TPBGL: variants seen among roughly 807,000 people sequenced by gnomAD.
TPBGL encodes the protein trophoblast glycoprotein like.
For missense variants in TPBGL, 685 were observed against 609.4 expected (o/e 1.12, Z -1.31); for synonymous variants, 380 against 314.8 (o/e 1.21, Z -2.19).
chr11:75,241,568 G>A lies in TPBGL; in HGVS notation c.519G>A (p.Glu173=). ...ACGCTGCGCTGGCACCGCTGGCCGA[G>A]CTTCGCCTGCTGGGCCTAGCGGGCA... ...ALDAALAPLA[E]LRLLGLAGNA... Residue 173 remains glutamate (E), a synonymous_variant, in exon 1 of 1, where the codon GAG becomes GAA. Transcript: ENST00000562197. 3.1e-6 allele frequency: 4 copies of A among 1,304,110 alleles called. No individual in the cohort carries two copies. Among genetic ancestry groups the A allele is most frequent in the Non-Finnish European group, 2.0e-6 (2 of 1,019,078 alleles). 80.8% of individuals were successfully genotyped at this position (1,304,110 alleles called of 1,614,324 possible). A position where few individuals can be genotyped will look rare whatever the true frequency, so the allele number is the denominator to read the frequency against.
rs958166501 is a variant in TPBGL at position 75,241,691 on chromosome 11, G to A, written c.642G>A (p.Glu214=). The A allele has an allele frequency of 2.4e-6, 3 of 1,270,392 alleles. No homozygotes were observed. The highest frequency in any genetic ancestry group is 4.0e-5 in the South Asian group (2 of 49,548). The allele number at this position is 1,270,392 out of a possible 1,614,324, so 78.7% of individuals were successfully genotyped here. The change falls in exon 1 of 1, where the codon GAG becomes GAA. Residue 214 remains glutamate (E), a synonymous_variant. Coordinates refer to ENST00000562197, the MANE Select transcript of TPBGL (RefSeq NM_001195528.2). The part of the protein sequence containing the change: ...LNALAGLDPD[E]LRALERDGGL... ...CGCTGGCCGGCCTGGACCCCGACGA[G>A]CTGCGCGCGCTGGAGCGCGATGGCG...
In TPBGL at chr11:75,241,673, C is replaced by T; in HGVS notation, c.624C>T (p.Ala208=). The T allele has an allele frequency of 7.7e-7, 1 of 1,291,990 alleles. No homozygotes were observed. The highest frequency in any genetic ancestry group is 9.8e-7 in the Non-Finnish European group (1 of 1,016,574). 80.0% of individuals were successfully genotyped at this position (1,291,990 alleles called of 1,614,324 possible). A position where few individuals can be genotyped will look rare whatever the true frequency, so the allele number is the denominator to read the frequency against. ...EQLDVRLNAL[A]GLDPDELRAL... ...TGGACGTGCGCCTCAACGCGCTGGC[C>T]GGCCTGGACCCCGACGAGCTGCGCG... The change falls in exon 1 of 1, where the codon GCC becomes GCT. Residue 208 remains alanine, a synonymous_variant. Transcript: ENST00000562197.
At position 75,241,477 on chromosome 11, in the gene TPBGL, C is replaced by G; in HGVS notation, c.428C>G (p.Ala143Gly). 5 of 1,251,726 alleles carry G rather than the reference C, an allele frequency of 4.0e-6. No homozygotes were observed. The South Asian group carries it at 7.6e-5, about 19-fold the overall frequency. 77.5% of individuals were successfully genotyped at this position (1,251,726 alleles called of 1,614,324 possible). A position where few individuals can be genotyped will look rare whatever the true frequency, so the allele number is the denominator to read the frequency against. Residue 143 changes from alanine to glycine, a missense_variant, in exon 1 of 1, where the codon GCG becomes GGG. Ala to Gly is a moderately conservative substitution (Grantham distance 60). Transcript: ENST00000562197. ...LGGGAFRGLPALRSLQLNHAL... is the reference protein window; with the variant it reads ...LGGGAFRGLPGLRSLQLNHAL... Reference sequence around the variant, plus strand: ...GGCGGCGCCTTCCGCGGGCTGCCCGCGCTGCGCTCGCTGCAGCTCAACCAC... The same window carrying G: ...GGCGGCGCCTTCCGCGGGCTGCCCGGGCTGCGCTCGCTGCAGCTCAACCAC...
rs72998594 is a variant in TPBGL at position 75,242,911 on chromosome 11, C to G, written c.*713C>G. On this transcript the variant is annotated 3_prime_UTR_variant, in exon 1 of 1. Coordinates refer to ENST00000562197, the MANE Select transcript of TPBGL (RefSeq NM_001195528.2). ...GTGTGGAGCCAACTCTCAGCCTTTC[C>G]CACCAGGGCGCTGACCTCCCGATAC... 0.074 allele frequency: 11,323 copies of G among 152,450 alleles called. 819 individuals are homozygous for G. The highest frequency in any genetic ancestry group is 0.19 in the African/African-American group (7,801 of 41,422). 9.4% of individuals were successfully genotyped at this position (152,450 alleles called of 1,614,324 possible). A position where few individuals can be genotyped will look rare whatever the true frequency, so the allele number is the denominator to read the frequency against.
Position 75,241,695 on chromosome 11 carries a change from C to A in TPBGL, c.646C>A (p.Arg216Ser). The change falls in exon 1 of 1, where the codon CGC (arginine) becomes AGC (serine). Residue 216 changes from arginine (R) to serine (S), a missense_variant. Coordinates refer to ENST00000562197, the MANE Select transcript of TPBGL (RefSeq NM_001195528.2). ...ALAGLDPDEL[R>S]ALERDGGLPG... Reference sequence around the variant, plus strand: ...GGCCGGCCTGGACCCCGACGAGCTGCGCGCGCTGGAGCGCGATGGCGGCCT... The same window carrying A: ...GGCCGGCCTGGACCCCGACGAGCTGAGCGCGCTGGAGCGCGATGGCGGCCT... The A allele has an allele frequency of 7.9e-7, 1 of 1,270,466 alleles. No homozygotes were observed. Among genetic ancestry groups the A allele is most frequent in the Non-Finnish European group, 9.9e-7 (1 of 1,006,320 alleles). 78.7% of individuals were successfully genotyped at this position (1,270,466 alleles called of 1,614,324 possible).
At position 75,241,589 on chromosome 11, in the gene TPBGL, G is replaced by A. The variant is rs1260760297; in HGVS notation, c.540G>A (p.Ala180=). ...PLAELRLLGL[A]GNALSRLPPA... is the part of the protein sequence containing the mutation. Reference sequence around the variant, plus strand: ...CCGAGCTTCGCCTGCTGGGCCTAGCGGGCAACGCGCTGAGCCGTCTGCCGC... The same window carrying A: ...CCGAGCTTCGCCTGCTGGGCCTAGCAGGCAACGCGCTGAGCCGTCTGCCGC... The change falls in exon 1 of 1, where the codon GCG becomes GCA. Residue 180 remains alanine (A), a synonymous_variant. Transcript: ENST00000562197. 1.3e-5 allele frequency: 17 copies of A among 1,321,868 alleles called. No individual in the cohort carries two copies. Among genetic ancestry groups the A allele is most frequent in the Non-Finnish European group, 1.6e-5 (16 of 1,027,818 alleles). 81.9% of individuals were successfully genotyped at this position (1,321,868 alleles called of 1,614,324 possible).
chr11:75,241,354 C>T lies in TPBGL; in HGVS notation c.305C>T (p.Thr102Met). 3 of 1,371,476 alleles carry T rather than the reference C, an allele frequency of 2.2e-6. No individual in the cohort carries two copies. The highest frequency in any genetic ancestry group is 1.6e-5 in the South Asian group (1 of 61,772). 85.0% of individuals were successfully genotyped at this position (1,371,476 alleles called of 1,614,324 possible). Reference protein sequence around the residue: ...RLPLLSALRLTHNHIEVVEDG... With the variant: ...RLPLLSALRLMHNHIEVVEDG... ...CCGCTCCTGAGCGCGCTGCGCCTCA[C>T]GCACAACCACATCGAGGTGGTGGAG... Residue 102 changes from threonine (T) to methionine (M), a missense_variant, in exon 1 of 1, where the codon ACG (threonine) becomes ATG (methionine). Thr to Met is a moderately conservative substitution (Grantham distance 81). Coordinates refer to ENST00000562197, the MANE Select transcript of TPBGL (RefSeq NM_001195528.2).
chr11:75,241,038 G>C lies in TPBGL; in HGVS notation c.-12G>C, dbSNP rs1259614321. 8.2e-7 allele frequency: 1 copy of C among 1,222,852 alleles called. No individual in the cohort carries two copies. The highest frequency in any genetic ancestry group is 1.0e-6 in the Non-Finnish European group (1 of 984,876). The allele number at this position is 1,222,852 out of a possible 1,614,324, so 75.8% of individuals were successfully genotyped here. A position where few individuals can be genotyped will look rare whatever the true frequency, so the allele number is the denominator to read the frequency against. ...CGCGGCGGCCCGGGCGCTGGATGCG[G>C]GGGCGGCCGCGATGGCCCCGCGCGC... is the stretch of plus-strand genomic sequence containing the variant. On this transcript the variant is annotated 5_prime_UTR_variant, in exon 1 of 1. Coordinates refer to ENST00000562197, the MANE Select transcript of TPBGL (RefSeq NM_001195528.2).
rs745576753 is a variant in TPBGL at position 75,241,459 on chromosome 11, C to G, written c.410C>G (p.Ala137Gly). The G allele has an allele frequency of 7.9e-7, 1 of 1,267,760 alleles. No homozygotes were observed. The highest frequency in any genetic ancestry group is 2.4e-5 in the South Asian group (1 of 40,992). 78.5% of individuals were successfully genotyped at this position (1,267,760 alleles called of 1,614,324 possible). Reference sequence around the variant, plus strand: ...CCGCTGCGCGCCCTGGGCGGCGGCGCCTTCCGCGGGCTGCCCGCGCTGCGC... The same window carrying G: ...CCGCTGCGCGCCCTGGGCGGCGGCGGCTTCCGCGGGCTGCCCGCGCTGCGC... ...HNPLRALGGG[A>G]FRGLPALRSL... is the part of the protein sequence containing the mutation. Residue 137 changes from alanine to glycine, a missense_variant, in exon 1 of 1, where the codon GCC becomes GGC. Transcript: ENST00000562197.
Position 75,241,289 on chromosome 11 carries a change from C to T in TPBGL, c.240C>T (p.Gly80=), listed in dbSNP as rs758376598. ...TGCTGCGCGCGGCCGCCTTCGCCGG[C>T]GGGGACGGGGACGGCGACCAGGCGG... ...LTVLRAAAFA[G]GDGDGDQAAG... Residue 80 remains glycine, a synonymous_variant, in exon 1 of 1, where the codon GGC becomes GGT. Coordinates refer to ENST00000562197, the MANE Select transcript of TPBGL (RefSeq NM_001195528.2). The T allele has an allele frequency of 2.2e-6, 3 of 1,343,766 alleles. No individual in the cohort carries two copies. The South Asian group carries it at 5.4e-5, about 24-fold the overall frequency. 83.2% of individuals were successfully genotyped at this position (1,343,766 alleles called of 1,614,324 possible).
At position 75,241,963 on chromosome 11, in the gene TPBGL, A is replaced by G; in HGVS notation, c.914A>G (p.Glu305Gly). 1 of 1,496,588 alleles carries G rather than the reference A, an allele frequency of 6.7e-7. No homozygotes were observed. The highest frequency in any genetic ancestry group is 1.2e-5 in the South Asian group (1 of 81,166). The allele number at this position is 1,496,588 out of a possible 1,614,324, so 92.7% of individuals were successfully genotyped here. ...EEAEAAGPEL[E>G]ASYVFFGLVL... ...GCGGAGGCCGCCGGCCCGGAGCTGGAAGCCTCCTACGTGTTCTTCGGGCTG... is the reference window on the plus strand; with the variant it reads ...GCGGAGGCCGCCGGCCCGGAGCTGGGAGCCTCCTACGTGTTCTTCGGGCTG... Residue 305 changes from glutamate to glycine, a missense_variant, in exon 1 of 1, where the codon GAA (glutamate) becomes GGA (glycine). By Grantham distance (98) the Glu-to-Gly change is moderately conservative. Coordinates refer to ENST00000562197, the MANE Select transcript of TPBGL (RefSeq NM_001195528.2).
In TPBGL at chr11:75,241,468, G is replaced by C. The variant is rs774900433; in HGVS notation, c.419G>C (p.Gly140Ala). Residue 140 changes from glycine (G) to alanine (A), a missense_variant, in exon 1 of 1, where the codon GGG becomes GCG. Gly to Ala is a moderately conservative substitution (Grantham distance 60). Coordinates refer to ENST00000562197, the MANE Select transcript of TPBGL (RefSeq NM_001195528.2). ...GCCCTGGGCGGCGGCGCCTTCCGCG[G>C]GCTGCCCGCGCTGCGCTCGCTGCAG... ...LRALGGGAFR[G>A]LPALRSLQLN... 30 of 1,259,562 alleles carry C rather than the reference G, an allele frequency of 2.4e-5. 1 individual carries two copies. In the South Asian group the frequency reaches 7.5e-4, roughly 31 times the overall value. The allele number at this position is 1,259,562 out of a possible 1,614,324, so 78.0% of individuals were successfully genotyped here. A position where few individuals can be genotyped will look rare whatever the true frequency, so the allele number is the denominator to read the frequency against.
Position 75,243,506 on chromosome 11 carries a change from G to T in TPBGL, c.*1308G>T, listed in dbSNP as rs1210312778. On this transcript the variant is annotated 3_prime_UTR_variant, in exon 1 of 1. Transcript: ENST00000562197. ...CATGATCCCAAAGCACAATTGGTGA[G>T]TGGGGGAGAGGACCCCCTCTCCCTG... is the stretch of plus-strand genomic sequence containing the variant. 6.6e-6 allele frequency: 1 copy of T among 152,174 alleles called. No homozygotes were observed. Among genetic ancestry groups the T allele is most frequent in the Non-Finnish European group, 1.5e-5 (1 of 68,030 alleles). The allele number at this position is 152,174 out of a possible 1,614,324, so 9.4% of individuals were successfully genotyped here. A position where few individuals can be genotyped will look rare whatever the true frequency, so the allele number is the denominator to read the frequency against.
In TPBGL at chr11:75,241,036, CG is replaced by C; in HGVS notation, c.-9del. The C allele has an allele frequency of 1.6e-6, 2 of 1,220,814 alleles. No homozygotes were observed. 75.6% of individuals were successfully genotyped at this position (1,220,814 alleles called of 1,614,324 possible). A position where few individuals can be genotyped will look rare whatever the true frequency, so the allele number is the denominator to read the frequency against. ...AGCGCGGCGGCCCGGGCGCTGGATG[CG>C]GGGGCGGCCGCGATGGCCCCGCGCG... On this transcript the variant is annotated 5_prime_UTR_variant, in exon 1 of 1. Transcript: ENST00000562197.
rs1945607219 is a variant in TPBGL at position 75,242,192 on chromosome 11, G to T, written c.1143G>T (p.Gly381=). 8.9e-7 allele frequency: 1 copy of T among 1,125,356 alleles called. No individual in the cohort carries two copies. The highest frequency in any genetic ancestry group is 1.1e-6 in the Non-Finnish European group (1 of 922,900). 69.7% of individuals were successfully genotyped at this position (1,125,356 alleles called of 1,614,324 possible). A position where few individuals can be genotyped will look rare whatever the true frequency, so the allele number is the denominator to read the frequency against. The change falls in exon 1 of 1, where the codon GGG becomes GGT. Residue 381 remains glycine (G), a synonymous_variant. Coordinates refer to ENST00000562197, the MANE Select transcript of TPBGL (RefSeq NM_001195528.2). ...AGSRATSPGS[G]L is the part of the protein sequence containing the mutation. ...CCCGCGCCACCTCCCCGGGCTCGGG[G>T]CTCTGAGCGGCGCCCCCGGGCTCGG...
Position 75,241,096 on chromosome 11 carries a change from T to TGGCGGCGGCGCTGAGCCA in TPBGL, c.49_66dup (p.Ala17_Gln22dup). 1 of 1,360,590 alleles carries TGGCGGCGGCGCTGAGCCA rather than the reference T, an allele frequency of 7.3e-7. No homozygotes were observed. Among genetic ancestry groups the TGGCGGCGGCGCTGAGCCA allele is most frequent in the Non-Finnish European group, 9.5e-7 (1 of 1,054,788 alleles). The allele number at this position is 1,360,590 out of a possible 1,614,324, so 84.3% of individuals were successfully genotyped here. On this transcript the variant is annotated inframe_insertion, in exon 1 of 1. Coordinates refer to ENST00000562197, the MANE Select transcript of TPBGL (RefSeq NM_001195528.2). ...CCGGGGCTCCAGGGGCTGCTGCTCG[T>TGGCGGCGGCGCTGAGCCA]GGCGGCGGCGCTGAGCCAGCCCGCG...
In TPBGL at chr11:75,241,656, C is replaced by A. The variant is rs1945599950; in HGVS notation, c.607C>A (p.Arg203Ser). 1 of 1,306,810 alleles carries A rather than the reference C, an allele frequency of 7.7e-7. No homozygotes were observed. The highest frequency in any genetic ancestry group is 9.8e-7 in the Non-Finnish European group (1 of 1,022,294). 81.0% of individuals were successfully genotyped at this position (1,306,810 alleles called of 1,614,324 possible). The part of the protein sequence containing the change: ...RLARLEQLDV[R>S]LNALAGLDPD... ...GGCGCGCCTGGAGCAGCTGGACGTG[C>A]GCCTCAACGCGCTGGCCGGCCTGGA... is the stretch of plus-strand genomic sequence containing the variant. The change falls in exon 1 of 1, where the codon CGC (arginine) becomes AGC (serine). Residue 203 changes from arginine (R) to serine (S), a missense_variant. Coordinates refer to ENST00000562197, the MANE Select transcript of TPBGL (RefSeq NM_001195528.2).
rs2140370983 is a variant in TPBGL at position 75,241,997 on chromosome 11, A to G, written c.948A>G (p.Ala316=). 1 of 1,499,554 alleles carries G rather than the reference A, an allele frequency of 6.7e-7. No individual in the cohort carries two copies. The highest frequency in any genetic ancestry group is 2.7e-5 in the East Asian group (1 of 37,462). 92.9% of individuals were successfully genotyped at this position (1,499,554 alleles called of 1,614,324 possible). The change falls in exon 1 of 1, where the codon GCA becomes GCG. Residue 316 remains alanine (A), a synonymous_variant. Transcript: ENST00000562197. The part of the protein sequence containing the change: ...ASYVFFGLVL[A]LIGLIFLMVL... ...ACGTGTTCTTCGGGCTGGTGCTGGC[A>G]CTCATCGGCCTCATCTTCCTCATGG... is the stretch of plus-strand genomic sequence containing the variant.
rs1189324042 is a variant in TPBGL, at chr11:75,241,853, G to A, written c.804G>A (p.Arg268=). Residue 268 remains arginine, a synonymous_variant, in exon 1 of 1, where the codon CGG becomes CGA. Coordinates refer to ENST00000562197, the MANE Select transcript of TPBGL (RefSeq NM_001195528.2). ...GGCGCCTGCGCTGCGCCGCCCCGCG[G>A]GCGCTGCTAGACCGGCCGCTACTGG... ...DSRRLRCAAP[R]ALLDRPLLDL... is the part of the protein sequence containing the mutation. 4.6e-6 allele frequency: 6 copies of A among 1,304,272 alleles called. No homozygotes were observed. The highest frequency in any genetic ancestry group is 5.8e-6 in the Non-Finnish European group (6 of 1,033,258). The allele number at this position is 1,304,272 out of a possible 1,614,324, so 80.8% of individuals were successfully genotyped here.
Sources: gnomAD v4.1 joint callset for allele counts on GRCh38, gnomAD v4.1.1 for gene constraint, MANE v1.5 for transcripts, NCBI Gene and HGNC (gene_info 2026-07-23, HGNC 2026-07-21) for gene names.